Variants in CSMD3 observed in about 807,000 individuals in gnomAD.
CSMD3 encodes the protein CUB and sushi domain-containing protein 3.
In CSMD3, 177 loss-of-function variants were observed where a neutral mutation model predicts 435.2. The ratio of observed to expected loss-of-function variants is 0.41; its 90% CI spans 0.36 to 0.46. The LOEUF is 0.46. CSMD3 is among the 20% of genes least tolerant of loss of function. The pLI, the probability that CSMD3 is intolerant of heterozygous loss-of-function variation, is 0.34. For synonymous variants in CSMD3, 1,656 were observed against 1,520.5 expected, an observed-to-expected ratio of 1.09 and a Z score of -2.07; for missense variants, 4,265 against 4,504.6, an observed-to-expected ratio of 0.95 and a Z score of 1.52.
At chr8:112,741,678 T>C (rs1378995857) in intron 13 of CSMD3, among the ~76,000 whole-genome samples, 1 of 151,874 alleles carries the variant, frequency 6.6e-6, no homozygotes, top group African/African-American at 2.4e-5. Context: ...ATACATCTCA[T>C]GTTATCTGTT....
chr8:113,204,927 A>T (rs1285974101), intron 3 of CSMD3, among the ~76,000 whole-genome samples: 1 of 152,044 alleles, frequency 6.6e-6, no homozygotes, highest in Admixed American at 6.6e-5. Context: ...AAGGAGGAGG[A>T]AGTCATGTCT....
At chr8:113,189,024 G>A (rs868552566) in intron 3 of CSMD3, among the ~76,000 whole-genome samples, 1 of 151,806 alleles carries the variant, frequency 6.6e-6, no homozygotes, top group Non-Finnish European at 1.5e-5. Context: ...TGAACCTTGA[G>A]TTTATTGAAT....
intron 4 of CSMD3, among the ~76,000 whole-genome samples, chr8:113,111,626 T>C (rs898031568): frequency 1.3e-5 from 2 of 152,132 alleles, no homozygotes; most frequent in African/African-American, 2.4e-5. Flanking sequence ...GCAGTCAATA[T>C]ACAGAACGGG....
At chr8:113,195,426 C>A (rs2092640229) in intron 3 of CSMD3, among the ~76,000 whole-genome samples, 2 of 150,774 alleles carry the variant, frequency 1.3e-5, no homozygotes, top group Admixed American at 6.6e-5. Flanking sequence ...AAATAATCAT[C>A]TCTGTGATGA....
At chr8:112,971,482 A>G (rs1165521958) in intron 7 of CSMD3, among the ~76,000 whole-genome samples, 2 of 152,140 alleles carry the variant, frequency 1.3e-5, no homozygotes, top group Non-Finnish European at 2.9e-5. Context: ...AAAATACCTA[A>G]GAGTTTATGG....
intron 34 of CSMD3, 129 bp downstream of exon 34, chr8:112,408,189 T>C: frequency 1.4e-6 from 1 of 708,458 alleles, no homozygotes; most frequent in South Asian, 1.5e-5. Context: ...CTAGTGATGG[T>C]GGAGGGGACA....
intron 27 of CSMD3, among the ~76,000 whole-genome samples, chr8:112,544,614 T>G (rs1826987284): frequency 6.6e-6 from 1 of 152,236 alleles, no homozygotes; most frequent in Admixed American, 6.5e-5. Context: ...TAAAAAAATT[T>G]GTTTCTGGAT....
At chr8:113,262,131 T>A (rs1166781699) in intron 3 of CSMD3, among the ~76,000 whole-genome samples, 1 of 152,044 alleles carries the variant, frequency 6.6e-6, no homozygotes, top group Admixed American at 6.6e-5. Context: ...AATGTGGCCA[T>A]CTTGACAAAT....
intron 9 of CSMD3, among the ~76,000 whole-genome samples, chr8:112,941,123 A>C (rs1350434638): frequency 6.6e-6 from 1 of 151,802 alleles, no homozygotes; most frequent in Non-Finnish European, 1.5e-5. Context: ...AGCTTTATAA[A>C]AGAGGATTTT....
In CSMD3 at chr8:113,355,720, T is replaced by TATATATATA. The variant is rs1563737793; in HGVS notation, c.179-40928_179-40927insTATATATAT. On this transcript the variant is annotated intron_variant, in intron 1 of 70. Transcript: ENST00000297405. ...AATAAATAACTCTTAAAAGTTTTAT[T>TATATATATA]TTTATATATATATATATATATATAT... Among the ~76,000 whole-genome samples, 179 of 72,390 alleles carry TATATATATA rather than the reference T, an allele frequency of 2.5e-3. 6 individuals are homozygous for TATATATATA. Among genetic ancestry groups the TATATATATA allele is most frequent in the South Asian group, 6.2e-3 (10 of 1,608 alleles). The allele number at this position is 72,390 out of a possible 152,430, so 47.5% of individuals were successfully genotyped here. A position where few individuals can be genotyped will look rare whatever the true frequency, so the allele number is the denominator to read the frequency against.
Position 113,235,393 on chromosome 8 carries a change from C to T in CSMD3, c.514+43199G>A, listed in dbSNP as rs560840009. ...CAATAGCCATAACTTCATCTTTTCA[C>T]CAATATTCCATAGTCATAGCCAGAC... is the stretch of plus-strand genomic sequence containing the variant. On this transcript the variant is annotated intron_variant, in intron 3 of 70. Coordinates refer to ENST00000297405, the MANE Select transcript of CSMD3 (RefSeq NM_198123.2). 7.9e-5 allele frequency among the ~76,000 whole-genome samples: 12 copies of T among 152,232 alleles called. No homozygotes were observed. In the South Asian group the frequency reaches 2.5e-3, roughly 32 times the overall value.
chr8:113,067,043 G>C (rs1041572085), intron 5 of CSMD3, among the ~76,000 whole-genome samples: 1 of 151,924 alleles, frequency 6.6e-6, no homozygotes, highest in Non-Finnish European at 1.5e-5. Context: ...ATTGATATTT[G>C]CTCCCTTTTG....
intron 36 of CSMD3, among the ~76,000 whole-genome samples, 192 bp from the exon 37 acceptor site, chr8:112,383,855 A>G (rs1829700112): frequency 6.6e-6 from 1 of 152,186 alleles, no homozygotes; most frequent in Admixed American, 6.5e-5. Context: ...TTTTATATAG[A>G]AAAGCCTTTG....
At chr8:112,756,430 A>AT (rs2077700546) in intron 13 of CSMD3, among the ~76,000 whole-genome samples, 1 of 152,174 alleles carries the variant, frequency 6.6e-6, no homozygotes, top group Non-Finnish European at 1.5e-5. Flanking sequence ...AAACAGCATA[A>AT]TTTCACTGGC....
At chr8:112,231,475 T>A in intron 69 of CSMD3, 70 bp downstream of exon 69, 4 of 964,490 alleles carry the variant, frequency 4.1e-6, no homozygotes, top group Middle Eastern at 2.2e-4. Flanking sequence ...ATGTACAGAA[T>A]CCACAGTCTT....
intron 7 of CSMD3, 138 bp from the exon 8 acceptor site, chr8:112,954,899 AT>A (rs915362240): frequency 3.5e-5 from 22 of 625,428 alleles, no homozygotes; most frequent in East Asian, 1.7e-4. Flanking sequence ...ACCCAGAAGA[AT>A]TTTTTTTAAA....
At chr8:112,907,724 TA>T (rs1370977508) in intron 10 of CSMD3, among the ~76,000 whole-genome samples, 2 of 151,292 alleles carry the variant, frequency 1.3e-5, no homozygotes, top group Non-Finnish European at 3.0e-5. Flanking sequence ...AATAAAGTTA[TA>T]AAAAAAGTTC....
chr8:113,178,133 A>C (rs1280159441), intron 3 of CSMD3, among the ~76,000 whole-genome samples: 1 of 151,950 alleles, frequency 6.6e-6, no homozygotes, highest in African/African-American at 2.4e-5. Context: ...ACAGTTTGAG[A>C]AAGTCAAACT....
At chr8:112,400,549 G>C (rs1831233981) in intron 35 of CSMD3, among the ~76,000 whole-genome samples, 1 of 152,156 alleles carries the variant, frequency 6.6e-6, no homozygotes, top group Non-Finnish European at 1.5e-5. Context: ...CTCTGACAGA[G>C]AGATGGTGTG....
Sources: gnomAD v4.1 joint callset for allele counts (sites outside exome capture counted in the v4.1 genomes callset) on GRCh38, gnomAD v4.1.1 for gene constraint, MANE v1.5 for transcripts, NCBI Gene and HGNC (gene_info 2026-07-23, HGNC 2026-07-21) for gene names.